Variants in INO80D observed in about 807,000 individuals in gnomAD.
The protein encoded by INO80D is INO80 complex subunit D.
INO80D carries 21 observed loss-of-function variants against 87.6 expected under a neutral mutation model. The ratio of observed to expected loss-of-function variants is 0.24; its 90% confidence interval spans 0.17 to 0.35. The LOEUF is 0.35. Ranked by LOEUF, INO80D falls within the 10% of genes least tolerant of loss-of-function variation. The pLI is 1.00. For missense variants in INO80D, 982 were observed against 1,280.7 expected (o/e 0.77, Z 3.56); for synonymous variants, 440 against 491.0 (o/e 0.90, Z 1.37).
chr2:206,084,635 T>C (rs1690385640), intron 1 of INO80D: 1 of 152,474 alleles, frequency 6.6e-6, no homozygotes, highest in Admixed American at 6.6e-5. Flanking sequence ...CCAGAAACCC[T>C]GCCTGATCCT....
intron 5 of INO80D, among the ~76,000 whole-genome samples, chr2:206,033,107 G>A (rs1031062749): frequency 6.6e-6 from 1 of 152,068 alleles, no homozygotes; most frequent in African/African-American, 2.4e-5. Flanking sequence ...AACATATAAG[G>A]ACTCACATAA....
intron 1 of INO80D, among the ~76,000 whole-genome samples, chr2:206,072,846 C>CTT (rs35269123): frequency 0.3 from 43,346 of 143,710 alleles, 6,995 homozygotes; most frequent in African/African-American, 0.44. Flanking sequence ...ACTTTCTTCT[C>CTT]TTTTTTTTTT....
chr2:206,059,741 G>A (rs1026825390), intron 3 of INO80D, among the ~76,000 whole-genome samples: 11 of 129,526 alleles, frequency 8.5e-5, no homozygotes, highest in East Asian at 1.9e-4. Flanking sequence ...AATCTACACC[G>A]TGTGTGTGTG....
chr2:206,040,560 C>A, intron 5 of INO80D: 1 of 250,400 alleles, frequency 4.0e-6, no homozygotes, highest in African/African-American at 2.3e-5. Flanking sequence ...TCCAAGCTCT[C>A]GTGGTTGGAA....
At position 206,004,132 on chromosome 2, in the gene INO80D, G is replaced by T. The variant is rs1191293791; in HGVS notation, c.*236C>A. The T allele has an allele frequency of 1.8e-6, 1 of 569,364 alleles. No homozygotes were observed. Among genetic ancestry groups the T allele is most frequent in the Non-Finnish European group, 3.1e-6 (1 of 318,726 alleles). The allele number at this position is 569,364 out of a possible 1,614,324, so 35.3% of individuals were successfully genotyped here. A position where few individuals can be genotyped will look rare whatever the true frequency, so the allele number is the denominator to read the frequency against. On this transcript the variant is annotated 3_prime_UTR_variant, in exon 11 of 11. Coordinates refer to ENST00000403263, the MANE Select transcript of INO80D (RefSeq NM_017759.5). The surrounding 1 kb of genome is among the most constrained non-coding windows in gnomAD (Gnocchi z 4.9). ...TCCAGTCACTGTGCTGAACCACTAA[G>T]GAAACCACTGGGGCGGAGTGGGCCT... is the stretch of plus-strand genomic sequence containing the variant.
chr2:206,020,011 A>AT (rs1330343681), intron 6 of INO80D, among the ~76,000 whole-genome samples, 166 bp from the exon 7 acceptor site: 1 of 152,168 alleles, frequency 6.6e-6, no homozygotes, highest in East Asian at 1.9e-4. Context: ...CGGTATTACA[A>AT]TTACCAATTG....
At chr2:206,079,736 G>A (rs1028556925) in intron 1 of INO80D, among the ~76,000 whole-genome samples, 1 of 152,100 alleles carries the variant, frequency 6.6e-6, no homozygotes. Flanking sequence ...AAGACTTTCA[G>A]GGTCTGCTTG....
intron 5 of INO80D, among the ~76,000 whole-genome samples, chr2:206,045,969 A>G (rs1042764728): frequency 2.6e-5 from 4 of 152,170 alleles, no homozygotes; most frequent in African/African-American, 9.6e-5. Flanking sequence ...GTTCTTTTCA[A>G]TTCTAGGTTC....
At chr2:206,023,152 G>T (rs1286024872) in intron 6 of INO80D, among the ~76,000 whole-genome samples, 1 of 152,034 alleles carries the variant, frequency 6.6e-6, no homozygotes, top group Non-Finnish European at 1.5e-5. Flanking sequence ...AGGGAGCCAA[G>T]ACAGCGCCAT....
intron 1 of INO80D, among the ~76,000 whole-genome samples, chr2:206,072,212 C>A (rs1293204549): frequency 6.6e-6 from 1 of 152,072 alleles, no homozygotes. Context: ...TCCTCTCTTG[C>A]CCTGGTTCAA....
chr2:206,026,620 T>G (rs903506866), intron 6 of INO80D, among the ~76,000 whole-genome samples: 1 of 150,182 alleles, frequency 6.7e-6, no homozygotes, highest in African/African-American at 2.4e-5. Flanking sequence ...TAAATATGTA[T>G]TTATATATAC....
At chr2:206,040,724 A>T in intron 5 of INO80D, 1 of 278,226 alleles carries the variant, frequency 3.6e-6, no homozygotes, top group Non-Finnish European at 7.6e-6. Context: ...ACTGTCATCC[A>T]CAAGGATGTC....
At chr2:206,006,760 C>T (rs1017257533) in intron 10 of INO80D, among the ~76,000 whole-genome samples, 1 of 150,396 alleles carries the variant, frequency 6.6e-6, no homozygotes, top group Non-Finnish European at 1.5e-5. Flanking sequence ...AAAGAAACAA[C>T]GTTGGGCCAG....
At chr2:206,075,173 G>C (rs991270344) in intron 1 of INO80D, among the ~76,000 whole-genome samples, 8 of 151,994 alleles carry the variant, frequency 5.3e-5, no homozygotes, top group African/African-American at 1.7e-4. Flanking sequence ...AAGTAAGGAA[G>C]ATACACTTTT....
chr2:206,065,445 G>A (rs947907285), intron 1 of INO80D, among the ~76,000 whole-genome samples: 3 of 152,006 alleles, frequency 2.0e-5, no homozygotes, highest in Non-Finnish European at 4.4e-5. Context: ...CTCCAGTCTG[G>A]GCAACAGAGT....
At position 206,029,319 on chromosome 2, in the gene INO80D, A is replaced by G. The variant is rs538214619; in HGVS notation, c.1074-984T>C. On this transcript the variant is annotated intron_variant, in intron 5 of 10. Coordinates refer to ENST00000403263, the MANE Select transcript of INO80D (RefSeq NM_017759.5). Reference sequence around the variant, plus strand: ...TGTCCTGGCTGAAATGCTATGTGGAAGTGATGCTGAAGGAACATCTAAGCT... The same window carrying G: ...TGTCCTGGCTGAAATGCTATGTGGAGGTGATGCTGAAGGAACATCTAAGCT... Among the ~76,000 whole-genome samples the G allele has an allele frequency of 2.0e-5, 3 of 152,332 alleles. No individual in the cohort carries two copies. The East Asian group carries it at 5.8e-4, about 29-fold the overall frequency.
At chr2:206,037,698 C>G (rs1450637637) in intron 5 of INO80D, among the ~76,000 whole-genome samples, 4 of 152,278 alleles carry the variant, frequency 2.6e-5, no homozygotes, top group African/African-American at 9.6e-5. Context: ...TATAGAACTT[C>G]CATTCAACCC....
chr2:206,084,087 T>A (rs1454479065), intron 1 of INO80D, among the ~76,000 whole-genome samples: 1 of 150,526 alleles, frequency 6.6e-6, no homozygotes, highest in East Asian at 1.9e-4. Flanking sequence ...TTTTTTTTTT[T>A]AACGTTCAGA....
Position 206,002,850 on chromosome 2 carries a change from G to C in INO80D, c.*1518C>G, listed in dbSNP as rs1230943427. On this transcript the variant is annotated 3_prime_UTR_variant, in exon 11 of 11. Coordinates refer to ENST00000403263, the MANE Select transcript of INO80D (RefSeq NM_017759.5). ...ATATATATATATGTGAATTAGACTA[G>C]ACTCAGGTATAAATAGCCAATGGTA... 1 of 152,106 alleles carries C rather than the reference G, an allele frequency of 6.6e-6. No individual in the cohort carries two copies. Among genetic ancestry groups the C allele is most frequent in the African/African-American group, 2.4e-5 (1 of 41,412 alleles). The allele number at this position is 152,106 out of a possible 1,614,324, so 9.4% of individuals were successfully genotyped here.
Sources: allele counts gnomAD v4.1 joint callset (sites outside exome capture counted in the v4.1 genomes callset), GRCh38; gene constraint gnomAD v4.1.1; non-coding constraint Gnocchi (gnomAD v3.1); transcripts MANE v1.5; gene names NCBI Gene and HGNC (gene_info 2026-07-23, HGNC 2026-07-21).